The following ADAMTSL1 variants were observed in gnomAD, a reference collection of about 807,000 sequenced individuals.
ADAMTSL1 encodes ADAMTS-like protein 1.
A neutral mutation model predicts 201.8 loss-of-function variants in ADAMTSL1; 126 were observed. The ratio of observed to expected loss-of-function variants is 0.62; its 90% CI spans 0.54 to 0.72. The LOEUF is 0.72. ADAMTSL1 is among the 30% of genes least tolerant of loss of function. ADAMTSL1 has a pLI of 0.00. For missense variants in ADAMTSL1, 2,679 were observed against 2,277.8 expected, an observed-to-expected ratio of 1.18 and a Z score of -3.59; for synonymous variants, 1,121 against 903.4, an observed-to-expected ratio of 1.24 and a Z score of -4.32.
rs139731530 is a variant in ADAMTSL1 at position 18,548,642 on chromosome 9, G to A, written c.237+15350G>A. Reference sequence around the variant, plus strand: ...AACTGTATTTCTCCCTAAGTGCAATGGTTCATTATTTGCTAATTCAGCATT... The same window carrying A: ...AACTGTATTTCTCCCTAAGTGCAATAGTTCATTATTTGCTAATTCAGCATT... On this transcript the variant is annotated intron_variant, in intron 3 of 28. Coordinates refer to ENST00000380548, the MANE Select transcript of ADAMTSL1 (RefSeq NM_001040272.6). Among the ~76,000 whole-genome samples the A allele has an allele frequency of 3.9e-5, 6 of 152,096 alleles. No individual in the cohort carries two copies. The East Asian group carries it at 1.2e-3, about 29-fold the overall frequency.
chr9:18,315,683 G>C (rs1026291764), intron 2 of ADAMTSL1, among the ~76,000 whole-genome samples: 1 of 152,140 alleles, frequency 6.6e-6, no homozygotes, highest in Non-Finnish European at 1.5e-5. Context: ...AGCTCTGTTT[G>C]CAGCCCCAGT....
chr9:18,338,839 A>T (rs1001107025), intron 2 of ADAMTSL1, among the ~76,000 whole-genome samples: 1 of 151,984 alleles, frequency 6.6e-6, no homozygotes, highest in South Asian at 2.1e-4. Context: ...TATGTACTCA[A>T]AGTTTAGCTC....
At chr9:18,626,796 C>T (rs910433510) in intron 5 of ADAMTSL1, among the ~76,000 whole-genome samples, 1 of 144,506 alleles carries the variant, frequency 6.9e-6, no homozygotes, top group Non-Finnish European at 1.6e-5. Context: ...TATACTGCAC[C>T]TGTATTTATT....
chr9:18,598,853 G>T (rs1824441455), intron 4 of ADAMTSL1, among the ~76,000 whole-genome samples: 2 of 149,342 alleles, frequency 1.3e-5, no homozygotes, highest in Admixed American at 1.3e-4. Flanking sequence ...TTAAGTAACA[G>T]ATATTTCAGA....
chr9:18,560,922 C>T (rs777605000), intron 3 of ADAMTSL1, among the ~76,000 whole-genome samples: 7 of 136,006 alleles, frequency 5.1e-5, no homozygotes, highest in Non-Finnish European at 1.1e-4. Flanking sequence ...CTGGCTAGTG[C>T]TCTATTTCGT....
intron 2 of ADAMTSL1, among the ~76,000 whole-genome samples, chr9:18,514,458 T>A (rs1265131158): frequency 1.3e-5 from 2 of 150,968 alleles, no homozygotes; most frequent in Admixed American, 1.3e-4. Flanking sequence ...GCCTCCCGAG[T>A]AGCTGGGACT....
chr9:18,111,261 G>A (rs1824993698), intron 1 of ADAMTSL1, among the ~76,000 whole-genome samples: 1 of 152,092 alleles, frequency 6.6e-6, no homozygotes, highest in Non-Finnish European at 1.5e-5. Flanking sequence ...ACTGGGGCTG[G>A]ACACATTGAA....
chr9:18,185,315 A>G (rs1181694734), intron 2 of ADAMTSL1, among the ~76,000 whole-genome samples: 3 of 152,112 alleles, frequency 2.0e-5, no homozygotes, highest in Non-Finnish European at 4.4e-5. Context: ...GCCAGCTACC[A>G]TGAGTTTTAC....
intron 4 of ADAMTSL1, among the ~76,000 whole-genome samples, chr9:18,593,925 T>C (rs1824088651): frequency 6.6e-6 from 1 of 152,150 alleles, no homozygotes; most frequent in Non-Finnish European, 1.5e-5. Context: ...ATTAGATCCA[T>C]TTTGTCTTTA....
chr9:18,483,973 A>G (rs943156397), intron 1 of ADAMTSL1, among the ~76,000 whole-genome samples: 3 of 152,212 alleles, frequency 2.0e-5, no homozygotes, highest in African/African-American at 7.2e-5. Context: ...AGCCTCATTT[A>G]TCTTGTTTCC....
chr9:18,853,676 C>T (rs1339831834), intron 23 of ADAMTSL1, among the ~76,000 whole-genome samples: 1 of 152,206 alleles, frequency 6.6e-6, no homozygotes, highest in Non-Finnish European at 1.5e-5. Flanking sequence ...CCAAAGTTAT[C>T]CTGGCCCAAG....
intron 1 of ADAMTSL1, among the ~76,000 whole-genome samples, chr9:18,006,796 C>T (rs150006006): frequency 8.6e-5 from 13 of 152,014 alleles, no homozygotes; most frequent in South Asian, 4.1e-4. Context: ...ATTGTGATGA[C>T]GACATTTTAC....
intron 2 of ADAMTSL1, among the ~76,000 whole-genome samples, chr9:18,289,983 T>G (rs1284912375): frequency 1.3e-5 from 2 of 152,198 alleles, no homozygotes; most frequent in East Asian, 3.9e-4. Flanking sequence ...GATGATACCC[T>G]CTAAGAAAAA....
chr9:18,657,892 G>T, intron 8 of ADAMTSL1, 142 bp downstream of exon 8: 1 of 661,324 alleles, frequency 1.5e-6, no homozygotes, highest in Non-Finnish European at 2.6e-6. Context: ...GTGGAATCTC[G>T]AGGCCCTCCT....
chr9:18,673,269 C>T (rs1829937553), intron 9 of ADAMTSL1, among the ~76,000 whole-genome samples: 1 of 152,090 alleles, frequency 6.6e-6, no homozygotes. Context: ...AGGAAGTTAA[C>T]TTCAGGCAAG....
At chr9:18,867,736 C>T (rs1827629628) in intron 23 of ADAMTSL1, among the ~76,000 whole-genome samples, 1 of 152,140 alleles carries the variant, frequency 6.6e-6, no homozygotes. Context: ...AAGCAATTCT[C>T]CCGCCTCAGC....
At chr9:18,663,838 G>C (rs544478906) in intron 9 of ADAMTSL1, among the ~76,000 whole-genome samples, 1 of 152,210 alleles carries the variant, frequency 6.6e-6, no homozygotes, top group South Asian at 2.1e-4. Flanking sequence ...TCTTGCCTCT[G>C]ATTTTTACCC....
intron 1 of ADAMTSL1, among the ~76,000 whole-genome samples, chr9:18,026,744 C>T (rs531588957): frequency 3.3e-5 from 5 of 152,154 alleles, no homozygotes; most frequent in South Asian, 2.1e-4. Context: ...AGGAGTCCCT[C>T]CTCCTCAATT....
intron 3 of ADAMTSL1, among the ~76,000 whole-genome samples, chr9:18,561,990 G>A (rs1348123620): frequency 6.6e-6 from 1 of 152,114 alleles, no homozygotes; most frequent in Non-Finnish European, 1.5e-5. Flanking sequence ...GCCAGTCTGT[G>A]TCTTTTAATT....
Sources: allele counts gnomAD v4.1 joint callset (sites outside exome capture counted in the v4.1 genomes callset), GRCh38; gene constraint gnomAD v4.1.1; transcripts MANE v1.5; gene names NCBI Gene and HGNC (gene_info 2026-07-23, HGNC 2026-07-21).